The following PPP1CB variants were observed in gnomAD, a reference collection of about 807,000 sequenced individuals.
PPP1CB encodes protein phosphatase 1 catalytic subunit beta.
In PPP1CB, 2 loss-of-function variants were observed where a neutral mutation model predicts 43.7. The observed-to-expected ratio is 0.05, with a 90% CI of 0.02 to 0.14. The LOEUF (loss-of-function observed/expected upper bound fraction) is 0.14, where lower values mean the gene tolerates loss of function less well. Among genes scored for constraint, PPP1CB ranks in the 10% least tolerant of loss-of-function variants. PPP1CB has a pLI of 1.00. For missense variants in PPP1CB, 84 were observed against 398.0 expected (o/e 0.21, Z 6.71); for synonymous variants, 136 against 135.6 (o/e 1.00, Z -0.02).
intron 6 of PPP1CB, among the ~76,000 whole-genome samples, chr2:28,792,545 A>G (rs1285176709): frequency 4.6e-5 from 7 of 152,024 alleles, no homozygotes; most frequent in Admixed American, 1.3e-4. Context: ...ACACAGAGAA[A>G]CAACTAAAAA....
intron 5 of PPP1CB, among the ~76,000 whole-genome samples, chr2:28,785,890 T>G (rs554360194): frequency 4.6e-5 from 7 of 152,160 alleles, no homozygotes; most frequent in African/African-American, 1.7e-4. Context: ...AATATCTGTT[T>G]ATAGTTCAGA....
In PPP1CB at chr2:28,767,879, T is replaced by C. The variant is rs74749692; in HGVS notation, c.53-8972T>C. Among the ~76,000 whole-genome samples the C allele has an allele frequency of 6.3e-3, 956 of 152,348 alleles. 11 individuals are homozygous for C. Among genetic ancestry groups the C allele is most frequent in the African/African-American group, 0.022 (904 of 41,584 alleles). ...GACCCCTTGGCCTTAGTTTGCTGAA[T>C]ACTGGTGTAGTTTTTCTGCCTTTCC... On this transcript the variant is annotated intron_variant, in intron 1 of 7. Coordinates refer to ENST00000395366, the MANE Select transcript of PPP1CB (RefSeq NM_002709.3).
chr2:28,762,104 G>T (rs1189030602), intron 1 of PPP1CB, among the ~76,000 whole-genome samples: 6 of 152,142 alleles, frequency 3.9e-5, no homozygotes, highest in Non-Finnish European at 1.5e-5. Context: ...GGGCAACATG[G>T]TGAAACCCCA....
At chr2:28,794,040 A>C in intron 7 of PPP1CB, 43 bp downstream of exon 7, 1 of 1,491,134 alleles carries the variant, frequency 6.7e-7, no homozygotes, top group Non-Finnish European at 9.2e-7. Flanking sequence ...AAATCTAATA[A>C]AAACTATTAT....
intron 5 of PPP1CB, among the ~76,000 whole-genome samples, 174 bp from the exon 6 acceptor site, chr2:28,788,484 A>G (rs1052936768): frequency 6.6e-6 from 1 of 152,212 alleles, no homozygotes; most frequent in Admixed American, 6.5e-5. Flanking sequence ...TATGGTTTGT[A>G]TGGTTGCTTT....
intron 6 of PPP1CB, among the ~76,000 whole-genome samples, chr2:28,790,885 G>A (rs927987482): frequency 1.3e-5 from 2 of 152,130 alleles, no homozygotes; most frequent in African/African-American, 4.8e-5. Context: ...ATCTACTTTT[G>A]TGTATATTTG....
intron 2 of PPP1CB, 70 bp from the exon 3 acceptor site, chr2:28,778,739 G>T: frequency 1.0e-6 from 1 of 960,654 alleles, no homozygotes; most frequent in Non-Finnish European, 1.6e-6. Context: ...TGTGAACATT[G>T]GGAATCATTT....
intron 4 of PPP1CB, 185 bp downstream of exon 4, chr2:28,782,027 A>G (rs1022423241): frequency 1.6e-6 from 1 of 634,790 alleles, no homozygotes; most frequent in African/African-American, 1.9e-5. Flanking sequence ...TGAAAACGTA[A>G]TGCTTCTTTA....
At chr2:28,794,041 AAACT>A (rs1168344034) in intron 7 of PPP1CB, 44 bp downstream of exon 7, 2 of 1,485,870 alleles carry the variant, frequency 1.3e-6, no homozygotes, top group African/African-American at 2.8e-5. Flanking sequence ...AATCTAATAA[AAACT>A]ATTATCAGAA....
rs965021451 is a variant in PPP1CB, at chr2:28,800,684, T to C, written c.*1381T>C. 1.3e-5 allele frequency: 2 copies of C among 152,438 alleles called. No homozygotes were observed. Among genetic ancestry groups the C allele is most frequent in the Non-Finnish European group, 2.9e-5 (2 of 67,908 alleles). 9.4% of individuals were successfully genotyped at this position (152,438 alleles called of 1,614,324 possible). On this transcript the variant is annotated 3_prime_UTR_variant, in exon 8 of 8. Transcript: ENST00000395366. ...AGGAGAGAACTTACAGGACACAGAT[T>C]TGTGATTCTTTGACTGTGACACTAT...
At chr2:28,768,761 G>A (rs1305286178) in intron 1 of PPP1CB, among the ~76,000 whole-genome samples, 1 of 151,932 alleles carries the variant, frequency 6.6e-6, no homozygotes, top group Admixed American at 6.6e-5. Context: ...ACCAAAATAG[G>A]ATATGCTGTT....
intron 6 of PPP1CB, among the ~76,000 whole-genome samples, chr2:28,791,058 C>T (rs1667373990): frequency 6.6e-6 from 1 of 152,146 alleles, no homozygotes. Context: ...GTGTATCATG[C>T]ACATACAGTG....
intron 1 of PPP1CB, among the ~76,000 whole-genome samples, chr2:28,767,631 G>C (rs1213493397): frequency 6.6e-6 from 1 of 152,176 alleles, no homozygotes; most frequent in Non-Finnish European, 1.5e-5. Flanking sequence ...ACCATATGTA[G>C]TCCATCACAA....
intron 1 of PPP1CB, among the ~76,000 whole-genome samples, chr2:28,765,875 T>C (rs1666768013): frequency 1.3e-5 from 2 of 152,168 alleles, no homozygotes; most frequent in African/African-American, 4.8e-5. Context: ...CACTGCACTC[T>C]GGCCTGGGCA....
In PPP1CB at chr2:28,801,398, A is replaced by C. The variant is rs866918804; in HGVS notation, c.*2095A>C. ...TTGTCTGGCTTTTGTAAATTCATCC[A>C]GGTCAAGACTAAGTATGTTGGTTAA... On this transcript the variant is annotated 3_prime_UTR_variant, in exon 8 of 8. Transcript: ENST00000395366. 6.6e-6 allele frequency: 1 copy of C among 151,966 alleles called. No homozygotes were observed. Among genetic ancestry groups the C allele is most frequent in the Non-Finnish European group, 1.5e-5 (1 of 67,932 alleles). The allele number at this position is 151,966 out of a possible 1,614,324, so 9.4% of individuals were successfully genotyped here. A position where few individuals can be genotyped will look rare whatever the true frequency, so the allele number is the denominator to read the frequency against.
At chr2:28,771,195 A>G (rs1278161552) in intron 1 of PPP1CB, among the ~76,000 whole-genome samples, 1 of 151,870 alleles carries the variant, frequency 6.6e-6, no homozygotes, top group African/African-American at 2.4e-5. Context: ...CTGGGATTAC[A>G]GGCACCTGCC....
rs183988104 is a variant in PPP1CB at position 28,779,151 on chromosome 2, G to C, written c.415+112G>C. ...GTTTTTTCAAAATAAGATCTGTCAG[G>C]CATAGGCCAGGAAGAGGAACCTGAA... On this transcript the variant is annotated intron_variant, in intron 3 of 7. Coordinates refer to ENST00000395366, the MANE Select transcript of PPP1CB (RefSeq NM_002709.3). The C allele has an allele frequency of 3.9e-6, 3 of 762,476 alleles. No individual in the cohort carries two copies. The African/African-American group carries it at 5.3e-5, about 13-fold the overall frequency. The allele number at this position is 762,476 out of a possible 1,614,324, so 47.2% of individuals were successfully genotyped here. A position where few individuals can be genotyped will look rare whatever the true frequency, so the allele number is the denominator to read the frequency against.
At chr2:28,765,333 T>C (rs1666755721) in intron 1 of PPP1CB, among the ~76,000 whole-genome samples, 1 of 152,198 alleles carries the variant, frequency 6.6e-6, no homozygotes, top group Non-Finnish European at 1.5e-5. Flanking sequence ...AAGATGTCTT[T>C]TTACACAGGG....
chr2:28,777,699 C>G (rs546101019), intron 2 of PPP1CB, among the ~76,000 whole-genome samples: 3 of 152,246 alleles, frequency 2.0e-5, no homozygotes, highest in South Asian at 4.1e-4. Flanking sequence ...GTTGCCCAGG[C>G]TGGAGTACAA....
Sources: allele counts gnomAD v4.1 joint callset (sites outside exome capture counted in the v4.1 genomes callset), GRCh38; gene constraint gnomAD v4.1.1; transcripts MANE v1.5; gene names NCBI Gene and HGNC (gene_info 2026-07-23, HGNC 2026-07-21).